ZNRF3: variants seen among roughly 807,000 people sequenced by gnomAD.
ZNRF3 encodes the protein E3 ubiquitin-protein ligase ZNRF3.
ZNRF3 carries 23 observed loss-of-function variants against 72.5 expected under a neutral mutation model. The observed-to-expected ratio is 0.32, with a 90% CI of 0.23 to 0.45. ZNRF3 has a LOEUF of 0.45. Among genes scored for constraint, ZNRF3 ranks in the 20% least tolerant of loss-of-function variants. ZNRF3 has a pLI of 1.00. For synonymous variants in ZNRF3, 610 were observed against 545.3 expected, an observed-to-expected ratio of 1.12 and a Z score of -1.65; for missense variants, 1,169 against 1,272.1, an observed-to-expected ratio of 0.92 and a Z score of 1.23.
intron 1 of ZNRF3, among the ~76,000 whole-genome samples, chr22:28,887,268 G>GTGTGTA (rs1569234156): frequency 2.0e-5 from 3 of 151,132 alleles, no homozygotes; most frequent in Admixed American, 6.6e-5. Context: ...GTGTGTGTGT[G>GTGTGTA]TGTATACATA....
chr22:28,972,108 G>T (rs5762922), intron 1 of ZNRF3, among the ~76,000 whole-genome samples: 3,507 of 152,174 alleles, frequency 0.023, 116 homozygotes, highest in East Asian at 0.095. Context: ...TTTAATAACA[G>T]CTTTATTGAG....
chr22:29,045,071 G>A (rs550113853), intron 5 of ZNRF3, among the ~76,000 whole-genome samples, 181 bp downstream of exon 5: 162 of 152,044 alleles, frequency 1.1e-3, no homozygotes, highest in African/African-American at 3.9e-3. Flanking sequence ...AAAAATAAGA[G>A]CAAACTAGGC....
At chr22:29,039,670 A>G (rs2036923060) in intron 2 of ZNRF3, among the ~76,000 whole-genome samples, 1 of 151,338 alleles carries the variant, frequency 6.6e-6, no homozygotes. Flanking sequence ...ATGGATAGCC[A>G]GTATGGTGGC....
At chr22:28,934,595 A>G (rs1227854499) in intron 1 of ZNRF3, among the ~76,000 whole-genome samples, 1 of 152,146 alleles carries the variant, frequency 6.6e-6, no homozygotes, top group Non-Finnish European at 1.5e-5. Flanking sequence ...AGGCAGGCAG[A>G]TCACTTGGGG....
intron 1 of ZNRF3, among the ~76,000 whole-genome samples, chr22:28,984,792 CTG>C (rs1178811073): frequency 6.6e-6 from 1 of 152,188 alleles, no homozygotes; most frequent in Non-Finnish European, 1.5e-5. Context: ...TGTTTAATAA[CTG>C]TAGAACATTC....
rs892892837 is a variant in ZNRF3 at position 28,885,472 on chromosome 22, A to G, written c.300+1406A>G. Among the ~76,000 whole-genome samples the G allele has an allele frequency of 3.4e-4, 51 of 151,876 alleles. 1 individual carries two copies. The highest frequency in any genetic ancestry group is 2.2e-4 in the African/African-American group (9 of 41,358). The stretch of plus-strand genomic sequence containing the variant: ...ATTATGATCTTTATAAGTTTTAGAG[A>G]TGATGCTTTGCTGAAGATTCCTAAA... On this transcript the variant is annotated intron_variant, in intron 1 of 8. Transcript: ENST00000544604.
intron 5 of ZNRF3, among the ~76,000 whole-genome samples, chr22:29,045,728 C>T (rs1201327149): frequency 6.6e-6 from 1 of 152,174 alleles, no homozygotes. Flanking sequence ...CCGCCCGCCT[C>T]GGCCTCCCAA....
chr22:28,980,235 A>T (rs1487797420), intron 1 of ZNRF3, among the ~76,000 whole-genome samples: 1 of 151,896 alleles, frequency 6.6e-6, no homozygotes, highest in East Asian at 1.9e-4. Flanking sequence ...GGAGGGGGGG[A>T]AGGGGAATGG....
intron 2 of ZNRF3, chr22:29,026,603 A>G (rs1443771780): frequency 6.6e-6 from 1 of 152,204 alleles, no homozygotes; most frequent in Non-Finnish European, 1.5e-5. Flanking sequence ...AGAGGCTCCT[A>G]TGCAAGACCC....
chr22:28,966,644 A>G (rs1414783031), intron 1 of ZNRF3, among the ~76,000 whole-genome samples: 1 of 152,056 alleles, frequency 6.6e-6, no homozygotes, highest in Non-Finnish European at 1.5e-5. Context: ...TAAAAAAAAA[A>G]GTTTTGATAG....
intron 1 of ZNRF3, among the ~76,000 whole-genome samples, chr22:28,924,049 C>A (rs535859911): frequency 6.6e-6 from 1 of 152,380 alleles, no homozygotes; most frequent in South Asian, 2.1e-4. Context: ...TGCTTCAAAG[C>A]CAGTGGAGCA....
intron 6 of ZNRF3, among the ~76,000 whole-genome samples, chr22:29,047,359 C>CT (rs1177523168): frequency 1.3e-5 from 2 of 152,226 alleles, no homozygotes; most frequent in Admixed American, 1.3e-4. Flanking sequence ...TTTGCTCACT[C>CT]TCCCTCTCTC....
intron 1 of ZNRF3, among the ~76,000 whole-genome samples, chr22:28,974,069 C>T (rs564413543): frequency 6.6e-5 from 10 of 151,912 alleles, no homozygotes; most frequent in African/African-American, 9.6e-5. Context: ...GCCATCCTCC[C>T]GCCTCAGCCT....
intron 1 of ZNRF3, among the ~76,000 whole-genome samples, chr22:28,900,662 CA>C (rs1218407979): frequency 6.6e-6 from 1 of 152,060 alleles, no homozygotes; most frequent in African/African-American, 2.4e-5. Flanking sequence ...CCTCATCACA[CA>C]AAAAAAGTAA....
rs374513144 is a variant in ZNRF3, at chr22:29,028,562, T to C, written c.427-13933T>C. ...GTGTACGTATCTCCATTACACTTGA[T>C]TTTAGAACCCCCTGGGACAACATGA... On this transcript the variant is annotated intron_variant, in intron 2 of 8. Coordinates refer to ENST00000544604, the MANE Select transcript of ZNRF3 (RefSeq NM_001206998.2). Among the ~76,000 whole-genome samples, 5 of 152,174 alleles carry C rather than the reference T, an allele frequency of 3.3e-5. No homozygotes were observed. The East Asian group carries it at 5.8e-4, about 18-fold the overall frequency.
intron 2 of ZNRF3, among the ~76,000 whole-genome samples, chr22:28,990,682 A>ATCAATCAG (rs540930498): frequency 6.6e-6 from 1 of 152,100 alleles, no homozygotes; most frequent in African/African-American, 2.4e-5. Flanking sequence ...TCTCCAGTCA[A>ATCAATCAG]TCAATCAGTC....
At chr22:29,003,002 C>A (rs534960701) in intron 2 of ZNRF3, among the ~76,000 whole-genome samples, 3 of 152,256 alleles carry the variant, frequency 2.0e-5, no homozygotes, top group African/African-American at 7.2e-5. Flanking sequence ...ATTTTTGGGT[C>A]TTTTCTATCA....
chr22:28,992,115 T>C (rs761774973), intron 2 of ZNRF3, among the ~76,000 whole-genome samples: 38 of 152,158 alleles, frequency 2.5e-4, no homozygotes, highest in Admixed American at 1.5e-3. Context: ...ATCATGCCAC[T>C]GCTCTCTAGC....
At position 28,921,771 on chromosome 22, in the gene ZNRF3, G is replaced by A. The variant is rs563028570; in HGVS notation, c.300+37705G>A. Among the ~76,000 whole-genome samples, 290 of 152,244 alleles carry A rather than the reference G, an allele frequency of 1.9e-3. 1 individual carries two copies. Among genetic ancestry groups the A allele is most frequent in the Non-Finnish European group, 3.3e-3 (222 of 68,022 alleles). ...TTCCACAGGGCCTAGGTTGTATGCTGTGCAAAGATCTGGGACTGAAATGCT... is the reference window on the plus strand; with the variant it reads ...TTCCACAGGGCCTAGGTTGTATGCTATGCAAAGATCTGGGACTGAAATGCT... On this transcript the variant is annotated intron_variant, in intron 1 of 8. Coordinates refer to ENST00000544604, the MANE Select transcript of ZNRF3 (RefSeq NM_001206998.2).
Sources: allele counts gnomAD v4.1 joint callset (sites outside exome capture counted in the v4.1 genomes callset), GRCh38; gene constraint gnomAD v4.1.1; transcripts MANE v1.5; gene names NCBI Gene and HGNC (gene_info 2026-07-23, HGNC 2026-07-21).